The following ARSF variants were observed in gnomAD, a reference collection of about 807,000 sequenced individuals.
ARSF encodes arylsulfatase F.
In ARSF, 33 loss-of-function variants were observed where a neutral mutation model predicts 35.4. The observed-to-expected ratio is 0.93, with a 90% CI of 0.71 to 1.25. ARSF has a LOEUF of 1.25. ARSF is among the 50% of genes most tolerant of loss of function. The pLI, the probability that ARSF is intolerant of heterozygous loss-of-function variation, is 0.00. For missense variants in ARSF, 501 were observed against 480.2 expected (o/e 1.04, Z -0.40); for synonymous variants, 222 against 193.1 (o/e 1.15, Z -1.24).
chrX:3,068,126 A>G lies in ARSF; in HGVS notation c.11+15A>G, dbSNP rs768494159. On this transcript the variant is annotated intron_variant, in intron 2 of 10. Coordinates refer to ENST00000381127, the MANE Select transcript of ARSF (RefSeq NM_001201539.2). ...ATGAGGCCCAGGTAGGTAAAGCCAT[A>G]TACTGCATTGTGAGCACATTGAATC... 16 of 1,194,450 alleles carry G rather than the reference A, an allele frequency of 1.3e-5. No individual in the cohort carries two copies. The highest frequency in any genetic ancestry group is 1.4e-5 in the Non-Finnish European group (12 of 886,347).
chrX:3,061,705 A>G (rs1378583964), intron 1 of ARSF, among the ~76,000 whole-genome samples: 1 of 111,660 alleles, frequency 9.0e-6, no homozygotes, highest in Admixed American at 9.6e-5. Context: ...GAGAGAAAGA[A>G]GGCCGTTACA....
chrX:3,089,415 T>C, intron 6 of ARSF, 81 bp from the exon 7 acceptor site: 1 of 1,092,205 alleles, frequency 9.2e-7, no homozygotes, highest in South Asian at 1.9e-5. Context: ...AAGCAGGTCA[T>C]GTCTATGAGA....
chrX:3,111,000 G>A (rs777663417), intron 10 of ARSF, among the ~76,000 whole-genome samples: 7 of 112,184 alleles, frequency 6.2e-5, no homozygotes, highest in Non-Finnish European at 1.1e-4. Flanking sequence ...TAATGTTCTC[G>A]TTTTGTTGTA....
At chrX:3,080,418 G>A (rs778052222) in intron 4 of ARSF, among the ~76,000 whole-genome samples, 5 of 108,381 alleles carry the variant, frequency 4.6e-5, no homozygotes, top group South Asian at 8.5e-4. Context: ...AGGTTGCAGT[G>A]AGCTGAGATG....
intron 6 of ARSF, among the ~76,000 whole-genome samples, chrX:3,089,132 A>G (rs142066204): frequency 1.5e-3 from 169 of 112,288 alleles, no homozygotes; most frequent in African/African-American, 4.6e-3. Flanking sequence ...GTGCGATTCT[A>G]GAACAAATAG....
chrX:3,064,814 A>G (rs1231269735), intron 1 of ARSF, among the ~76,000 whole-genome samples: 1 of 111,678 alleles, frequency 9.0e-6, no homozygotes, highest in Non-Finnish European at 1.9e-5. Context: ...CAGATCCTGG[A>G]GAGGATGTGG....
intron 1 of ARSF, among the ~76,000 whole-genome samples, chrX:3,050,370 C>T (rs952466225): frequency 2.8e-5 from 3 of 108,618 alleles, no homozygotes; most frequent in African/African-American, 1.0e-4. Context: ...ATGGTGAAAC[C>T]CCGTCTCTAC....
At chrX:3,074,862 C>A (rs911400001) in intron 3 of ARSF, among the ~76,000 whole-genome samples, 2 of 111,138 alleles carry the variant, frequency 1.8e-5, no homozygotes, top group Non-Finnish European at 3.8e-5. Flanking sequence ...TCGACCCTCA[C>A]CCCAGCGCCT....
chrX:3,075,471 C>T (rs1205601459), intron 3 of ARSF, among the ~76,000 whole-genome samples: 1 of 80,634 alleles, frequency 1.2e-5, no homozygotes, highest in African/African-American at 5.0e-5. Flanking sequence ...GTCTCTGTCA[C>T]CCCTCTCTGT....
Position 3,044,992 on chromosome X carries a change from G to T in ARSF, c.-29+3329G>T, listed in dbSNP as rs192032879. On this transcript the variant is annotated intron_variant, in intron 1 of 10. Transcript: ENST00000381127. The stretch of plus-strand genomic sequence containing the variant: ...TTTTGCACTGGAAATTAGGGTTACT[G>T]GGAGTTGGAATAGTAGGAGAGTAAG... Among the ~76,000 whole-genome samples, 301 of 110,821 alleles carry T rather than the reference G, an allele frequency of 2.7e-3. 1 individual carries two copies. The highest frequency in any genetic ancestry group is 9.4e-3 in the African/African-American group (286 of 30,479).
At chrX:3,080,472 C>CAAA (rs748367193) in intron 4 of ARSF, among the ~76,000 whole-genome samples, 2 of 93,729 alleles carry the variant, frequency 2.1e-5, no homozygotes, top group African/African-American at 3.9e-5. Flanking sequence ...GACTTCATCT[C>CAAA]AAAAAAAAAA....
chrX:3,058,296 A>G (rs1204301105), intron 1 of ARSF: 2 of 116,328 alleles, frequency 1.7e-5, no homozygotes, highest in Non-Finnish European at 3.6e-5. Flanking sequence ...CACTATCAGC[A>G]CGAGAGTTTT....
At chrX:3,044,450 CT>C (rs1409883040) in intron 1 of ARSF, among the ~76,000 whole-genome samples, 1 of 111,172 alleles carries the variant, frequency 9.0e-6, no homozygotes, top group Non-Finnish European at 1.9e-5. Flanking sequence ...TGCATCTGTC[CT>C]TTTGGACACC....
chrX:3,097,744 G>T (rs2147534136), intron 7 of ARSF, among the ~76,000 whole-genome samples: 2 of 111,916 alleles, frequency 1.8e-5, no homozygotes, highest in South Asian at 7.4e-4. Flanking sequence ...ATCATAAATT[G>T]TTTAGGCCAG....
chrX:3,080,608 G>A (rs2090193691), intron 4 of ARSF, among the ~76,000 whole-genome samples: 1 of 111,583 alleles, frequency 9.0e-6, no homozygotes. Context: ...AGGCATGCCA[G>A]ATTCAGTGTC....
intron 9 of ARSF, 90 bp downstream of exon 9, chrX:3,104,014 C>T: frequency 1.0e-6 from 1 of 983,071 alleles, no homozygotes; most frequent in Non-Finnish European, 1.4e-6. Context: ...TCTATCCTGG[C>T]AGACCCACTT....
Position 3,112,551 on chromosome X carries a change from A to G in ARSF, c.1768A>G (p.Arg590Gly). 8.3e-7 allele frequency: 1 copy of G among 1,198,818 alleles called. No individual in the cohort carries two copies. The highest frequency in any genetic ancestry group is 1.1e-6 in the Non-Finnish European group (1 of 890,310). ...TCAGCCTCGGGGTCCTAACGAGAAG[A>G]GATAATTACAATCAGGCTACCAGAG... ...VSQPRGPNEK[R>G] is the part of the protein sequence containing the mutation. The change falls in exon 11 of 11, where the codon AGA (arginine) becomes GGA (glycine). Residue 590 changes from arginine to glycine, a missense_variant. Physicochemically the swap from Arg to Gly is moderately radical, Grantham distance 125. Coordinates refer to ENST00000381127, the MANE Select transcript of ARSF (RefSeq NM_001201539.2).
chrX:3,041,595 T>G lies in ARSF; in HGVS notation c.-97T>G, dbSNP rs1425043124. Reference sequence around the variant, plus strand: ...CGTGAACCACCACTCCTGGCCCTTCTGTTACTTTTCCACTGCTGTTGAGAT... The same window carrying G: ...CGTGAACCACCACTCCTGGCCCTTCGGTTACTTTTCCACTGCTGTTGAGAT... On this transcript the variant is annotated 5_prime_UTR_variant, in exon 1 of 11. Coordinates refer to ENST00000381127, the MANE Select transcript of ARSF (RefSeq NM_001201539.2). 2.7e-5 allele frequency: 3 copies of G among 112,117 alleles called. No individual in the cohort carries two copies. The highest frequency in any genetic ancestry group is 5.6e-5 in the Non-Finnish European group (3 of 53,327). 9.2% of individuals were successfully genotyped at this position (112,117 alleles called of 1,213,427 possible). A position where few individuals can be genotyped will look rare whatever the true frequency, so the allele number is the denominator to read the frequency against.
At chrX:3,087,204 G>A (rs2090254677) in intron 6 of ARSF, among the ~76,000 whole-genome samples, 1 of 112,072 alleles carries the variant, frequency 8.9e-6, no homozygotes, top group South Asian at 3.7e-4. Context: ...TGAGAATGAG[G>A]ATGTGGATAT....
Sources: allele counts gnomAD v4.1 joint callset (sites outside exome capture counted in the v4.1 genomes callset), GRCh38; gene constraint gnomAD v4.1.1; transcripts MANE v1.5; gene names NCBI Gene and HGNC (gene_info 2026-07-23, HGNC 2026-07-21).